PLCH1: variants seen among roughly 807,000 people sequenced by gnomAD.
PLCH1 encodes the protein 1-phosphatidylinositol 4,5-bisphosphate phosphodiesterase eta-1.
PLCH1 carries 60 observed loss-of-function variants against 126.7 expected under a neutral mutation model. The ratio of observed to expected loss-of-function variants is 0.47; its 90% confidence interval spans 0.38 to 0.59. The LOEUF is 0.59. Ranked by LOEUF, PLCH1 falls within the 20% of genes least tolerant of loss-of-function variation. The pLI, the probability that PLCH1 is intolerant of heterozygous loss-of-function variation, is 0.00. For synonymous variants in PLCH1, 719 were observed against 734.9 expected (o/e 0.98, Z 0.35); for missense variants, 1,723 against 2,040.0 (o/e 0.84, Z 2.99).
chr3:155,470,581 C>T (rs978292601), intron 21 of PLCH1, among the ~76,000 whole-genome samples: 2 of 152,108 alleles, frequency 1.3e-5, no homozygotes, highest in African/African-American at 2.4e-5. Flanking sequence ...GAAAACGCCA[C>T]AAAGATACTC....
rs1323957215 is a variant in PLCH1, at chr3:155,458,490, G to GA, written c.2938+26865dup. Among the ~76,000 whole-genome samples, 11 of 93,760 alleles carry GA rather than the reference G, an allele frequency of 1.2e-4. 2 individuals carry two copies. The highest frequency in any genetic ancestry group is 1.1e-3 in the African/African-American group (10 of 9,186). 61.5% of individuals were successfully genotyped at this position (93,760 alleles called of 152,430 possible). On this transcript the variant is annotated intron_variant, in intron 21 of 21. Transcript: ENST00000494598. ...AGAAAGAAAGAAAGAAAGAAAGAAA[G>GA]AAAGAAAGAGAAAGAAGAGAGAGAA...
Position 155,481,115 on chromosome 3 carries a change from A to G in PLCH1, c.4911T>C (p.Gly1637=). ...IAGYLKNTKG[G]GLEGRGIPEG... is the part of the protein sequence containing the mutation. ...CTGGGATGCCCCGGCCTTCAAGGCC[A>G]CCCCCTTTCGTGTTCTTCAGGTAGC... The change falls in exon 23 of 23, where the codon GGT becomes GGC. Residue 1637 remains glycine (G), a synonymous_variant. Coordinates refer to ENST00000460012, the MANE Select transcript of PLCH1 (RefSeq NM_014996.4). This position sits in a 1 kb window ranked among gnomAD's most constrained non-coding sequence, Gnocchi z 4.2. 5.6e-6 allele frequency: 9 copies of G among 1,613,944 alleles called. No individual in the cohort carries two copies. The highest frequency in any genetic ancestry group is 7.6e-6 in the Non-Finnish European group (9 of 1,179,940).
chr3:155,744,018 T>A lies in PLCH1; in HGVS notation c.-41+822A>T, dbSNP rs181412683. On this transcript the variant is annotated intron_variant, in intron 1 of 22. Transcript: ENST00000460012. ...AAGGGAAAAGTTGGGTTTTTTTTTT[T>A]AATTTAGTTGGTTATTGCTTTAATG... 2.5e-3 allele frequency among the ~76,000 whole-genome samples: 386 copies of A among 152,152 alleles called. 2 individuals carry two copies. The highest frequency in any genetic ancestry group is 8.4e-3 in the African/African-American group (350 of 41,530).
rs373751310 is a variant in PLCH1, at chr3:155,565,554, CAGCCTCCCCAGAGA to C, written c.866-450_866-437del. The stretch of plus-strand genomic sequence containing the variant: ...TTCTACCATGAGTAAAAGCTCCCTC[CAGCCTCCCCAGAGA>C]AGCCAAGCAGATGCTGGCACCATGC... On this transcript the variant is annotated intron_variant, in intron 7 of 22. Transcript: ENST00000460012. Among the ~76,000 whole-genome samples the C allele has an allele frequency of 4.1e-3, 625 of 152,236 alleles. 2 individuals carry two copies. Among genetic ancestry groups the C allele is most frequent in the African/African-American group, 0.014 (598 of 41,536 alleles).
At chr3:155,743,364 T>C in intron 1 of PLCH1, 1 of 387,118 alleles carries the variant, frequency 2.6e-6, no homozygotes, top group South Asian at 1.9e-5. Context: ...AAACCCCGTC[T>C]CTACTAAAAA....
At chr3:155,723,283 T>C (rs1748084637) in intron 1 of PLCH1, among the ~76,000 whole-genome samples, 1 of 152,236 alleles carries the variant, frequency 6.6e-6, no homozygotes, top group Non-Finnish European at 1.5e-5. Flanking sequence ...CATCTCTAAT[T>C]GAGCTTATTT....
chr3:155,494,487 T>C lies in PLCH1; in HGVS notation c.1925A>G (p.Glu642Gly). 6.2e-7 allele frequency: 1 copy of C among 1,613,936 alleles called. No individual in the cohort carries two copies. The highest frequency in any genetic ancestry group is 1.7e-4 in the Middle Eastern group (1 of 6,060). The change falls in exon 16 of 23, where the codon GAA becomes GGA. Residue 642 changes from glutamate to glycine, a missense_variant. By Grantham distance (98) the Glu-to-Gly change is moderately conservative. Transcript: ENST00000460012. ...CTGAACAACCTGATGTGCTCTTGTTTCACTGAATGATAACACATTTCCTGT... is the reference window on the plus strand; with the variant it reads ...CTGAACAACCTGATGTGCTCTTGTTCCACTGAATGATAACACATTTCCTGT... ...GTTGNVLSFS[E>G]TRAHQVVQQK... is the part of the protein sequence containing the mutation.
chr3:155,521,974 A>G (rs762412230), intron 11 of PLCH1, among the ~76,000 whole-genome samples: 7 of 152,230 alleles, frequency 4.6e-5, no homozygotes, highest in Non-Finnish European at 7.3e-5. Flanking sequence ...TCCAGAAATC[A>G]ACTACTCTTA....
chr3:155,506,409 A>G (rs1718725140), intron 12 of PLCH1, among the ~76,000 whole-genome samples: 1 of 143,796 alleles, frequency 7.0e-6, no homozygotes, highest in East Asian at 2.1e-4. Context: ...TGTGCAGGTT[A>G]GTTACATATG....
chr3:155,730,296 T>C (rs143278771), intron 1 of PLCH1, among the ~76,000 whole-genome samples: 1 of 150,164 alleles, frequency 6.7e-6, no homozygotes, highest in Non-Finnish European at 1.5e-5. Flanking sequence ...TTTTTTTTTC[T>C]TTTTTGAGAC....
chr3:155,594,906 C>T (rs945460876), intron 3 of PLCH1, among the ~76,000 whole-genome samples: 1 of 152,104 alleles, frequency 6.6e-6, no homozygotes. Flanking sequence ...ATAAGAAGAT[C>T]GTTAGAAAAC....
chr3:155,504,959 A>G (rs1718437319), intron 12 of PLCH1, among the ~76,000 whole-genome samples: 1 of 152,216 alleles, frequency 6.6e-6, no homozygotes, highest in South Asian at 2.1e-4. Flanking sequence ...TCCACAGCAC[A>G]GGATGTGTTC....
At chr3:155,462,813 A>C (rs1189768212) in intron 21 of PLCH1, among the ~76,000 whole-genome samples, 1 of 152,198 alleles carries the variant, frequency 6.6e-6, no homozygotes, top group African/African-American at 2.4e-5. Context: ...CCCCACATGC[A>C]GCCCCAGCTG....
At chr3:155,733,757 C>A (rs1195190926) in intron 1 of PLCH1, among the ~76,000 whole-genome samples, 3 of 151,410 alleles carry the variant, frequency 2.0e-5, no homozygotes, top group Non-Finnish European at 2.9e-5. Context: ...AAAGAGACGA[C>A]CTGTGGAATG....
chr3:155,470,618 T>C (rs1157330732), intron 21 of PLCH1, among the ~76,000 whole-genome samples: 1 of 151,838 alleles, frequency 6.6e-6, no homozygotes, highest in Non-Finnish European at 1.5e-5. Flanking sequence ...CCAAGACACA[T>C]AATTGTCAGA....
At chr3:155,472,348 G>A (rs145626383) in intron 21 of PLCH1, among the ~76,000 whole-genome samples, 8,001 of 151,848 alleles carry the variant, frequency 0.053, 371 homozygotes, top group African/African-American at 0.12. Context: ...TAAATTCCTC[G>A]ACACATACAC....
intron 4 of PLCH1, among the ~76,000 whole-genome samples, chr3:155,590,223 A>G (rs1359537967): frequency 6.6e-6 from 1 of 152,164 alleles, no homozygotes; most frequent in African/African-American, 2.4e-5. Flanking sequence ...AACATCCCAA[A>G]TCTGTTCTCT....
chr3:155,549,976 C>G lies in PLCH1; in HGVS notation c.1191-18G>C. ...CAGGAAACCTGAGAAAAGAGCAACACAGTCCAGAGGCGTCAGGTGCAGGCA... is the reference window on the plus strand; with the variant it reads ...CAGGAAACCTGAGAAAAGAGCAACAGAGTCCAGAGGCGTCAGGTGCAGGCA... On this transcript the variant is annotated intron_variant, in intron 9 of 22. Transcript: ENST00000460012. 1 of 1,609,770 alleles carries G rather than the reference C, an allele frequency of 6.2e-7. No homozygotes were observed. Among genetic ancestry groups the G allele is most frequent in the Non-Finnish European group, 8.5e-7 (1 of 1,177,128 alleles).
At chr3:155,641,572 T>A (rs1364280014) in intron 2 of PLCH1, among the ~76,000 whole-genome samples, 2 of 152,060 alleles carry the variant, frequency 1.3e-5, no homozygotes, top group African/African-American at 4.8e-5. Flanking sequence ...AAGAAGAAAT[T>A]ATCTGAAAAT....
Sources: allele counts gnomAD v4.1 joint callset (sites outside exome capture counted in the v4.1 genomes callset), GRCh38; gene constraint gnomAD v4.1.1; non-coding constraint Gnocchi (gnomAD v3.1); transcripts MANE v1.5; gene names NCBI Gene and HGNC (gene_info 2026-07-23, HGNC 2026-07-21).